The following RAD23B variants were observed in gnomAD, a reference collection of about 807,000 sequenced individuals.
RAD23B encodes the protein lysine-specific demethylase RAD23B.
Under a neutral mutation model 49.1 loss-of-function variants are expected in RAD23B, and 5 were observed. The ratio of observed to expected loss-of-function variants is 0.10; its 90% CI spans 0.05 to 0.21. RAD23B has a LOEUF of 0.21. Ranked by LOEUF, RAD23B falls within the 10% of genes least tolerant of loss-of-function variation. The pLI is 1.00. For missense variants in RAD23B, 356 were observed against 486.7 expected (o/e 0.73, Z 2.53); for synonymous variants, 184 against 165.4 (o/e 1.11, Z -0.86).
At chr9:107,304,331 G>A (rs1826716900) in intron 3 of RAD23B, among the ~76,000 whole-genome samples, 1 of 152,104 alleles carries the variant, frequency 6.6e-6, no homozygotes, top group African/African-American at 2.4e-5. Context: ...TATCTAGATT[G>A]GTTATTATAA....
intron 4 of RAD23B, among the ~76,000 whole-genome samples, chr9:107,308,265 C>G (rs866719797): frequency 6.7e-6 from 1 of 149,642 alleles, no homozygotes; most frequent in South Asian, 2.1e-4. Context: ...GCCACCCAGG[C>G]AGGAGTGCAG....
At chr9:107,287,703 G>A (rs2133061598) in intron 1 of RAD23B, among the ~76,000 whole-genome samples, 1 of 152,014 alleles carries the variant, frequency 6.6e-6, no homozygotes, top group South Asian at 2.1e-4. Flanking sequence ...GCATGGTGGT[G>A]CATGCCTGTA....
chr9:107,317,485 C>G (rs1195405837), intron 5 of RAD23B, among the ~76,000 whole-genome samples: 2 of 151,898 alleles, frequency 1.3e-5, no homozygotes, highest in Admixed American at 6.6e-5. Context: ...GACACATGTT[C>G]AATAGCTATG....
Position 107,330,169 on chromosome 9 carries a change from G to A in RAD23B, c.*513G>A, listed in dbSNP as rs1377757461. 6.6e-6 allele frequency: 1 copy of A among 152,554 alleles called. No individual in the cohort carries two copies. Among genetic ancestry groups the A allele is most frequent in the Admixed American group, 6.5e-5 (1 of 15,270 alleles). 9.5% of individuals were successfully genotyped at this position (152,554 alleles called of 1,614,324 possible). On this transcript the variant is annotated 3_prime_UTR_variant, in exon 10 of 10. Coordinates refer to ENST00000358015, the MANE Select transcript of RAD23B (RefSeq NM_002874.5). This position sits in a 1 kb window ranked among gnomAD's most constrained non-coding sequence, Gnocchi z 4.4. ...TTAATTGTTGCTGCTTCAAAAATAA[G>A]TATAAAATTAATATGTAAGGAAGCC...
intron 5 of RAD23B, among the ~76,000 whole-genome samples, chr9:107,314,511 A>G (rs912301272): frequency 6.6e-6 from 1 of 152,188 alleles, no homozygotes; most frequent in Non-Finnish European, 1.5e-5. Flanking sequence ...TGTAAAAAAG[A>G]CATGGTTTTA....
At chr9:107,299,958 A>G (rs1011282585) in intron 1 of RAD23B, among the ~76,000 whole-genome samples, 183 bp from the exon 2 acceptor site, 3 of 152,200 alleles carry the variant, frequency 2.0e-5, no homozygotes, top group East Asian at 1.9e-4. Flanking sequence ...TATGGCTATC[A>G]TAACTAGTAA....
chr9:107,323,118 G>T (rs908594492), intron 7 of RAD23B, among the ~76,000 whole-genome samples: 1 of 152,082 alleles, frequency 6.6e-6, no homozygotes, highest in African/African-American at 2.4e-5. Flanking sequence ...CTGTATGTAC[G>T]ATTTTTGGTT....
intron 2 of RAD23B, 128 bp from the exon 3 acceptor site, chr9:107,301,907 G>A (rs1474754365): frequency 3.1e-6 from 4 of 1,296,974 alleles, no homozygotes; most frequent in African/African-American, 1.5e-5. Context: ...TTAACTGATA[G>A]AATTTATGTT....
At chr9:107,310,361 T>G (rs1029333114) in intron 4 of RAD23B, among the ~76,000 whole-genome samples, 5 of 152,148 alleles carry the variant, frequency 3.3e-5, no homozygotes, top group African/African-American at 1.2e-4. Flanking sequence ...CAGGAAAGAT[T>G]GATGAATTTG....
Position 107,306,624 on chromosome 9 carries a change from T to C in RAD23B, c.474T>C (p.Ala158=). The change falls in exon 4 of 10, where the codon GCT becomes GCC. Residue 158 remains alanine (A), a synonymous_variant. Transcript: ENST00000358015. ...PAEKPAETPV[A]TSPTATDSTS... ...AAAAGCCAGCAGAGACACCAGTGGC[T>C]ACTAGCCCAACAGCAACTGACAGGT... 1 of 1,614,056 alleles carries C rather than the reference T, an allele frequency of 6.2e-7. No individual in the cohort carries two copies. The highest frequency in any genetic ancestry group is 8.5e-7 in the Non-Finnish European group (1 of 1,179,942).
At chr9:107,291,446 C>G (rs775861650) in intron 1 of RAD23B, among the ~76,000 whole-genome samples, 3 of 152,144 alleles carry the variant, frequency 2.0e-5, no homozygotes, top group Admixed American at 1.3e-4. Context: ...CCTTTTGGAT[C>G]ATAACCCCAG....
intron 1 of RAD23B, 129 bp downstream of exon 1, chr9:107,283,824 G>A: frequency 1.0e-6 from 1 of 967,710 alleles, no homozygotes; most frequent in Non-Finnish European, 1.4e-6. Context: ...CTGGGTCCTG[G>A]TGCCGGCCCT....
At chr9:107,284,991 AC>A (rs1833246984) in intron 1 of RAD23B, 2 of 1,277,148 alleles carry the variant, frequency 1.6e-6, no homozygotes, top group South Asian at 2.5e-5. Context: ...ATACAGTGTT[AC>A]GTTTTACTTA....
chr9:107,283,817 G>A, intron 1 of RAD23B, 122 bp downstream of exon 1: 1 of 991,244 alleles, frequency 1.0e-6, no homozygotes. Context: ...GAGGGCCCTG[G>A]GTCCTGGTGC....
intron 9 of RAD23B, among the ~76,000 whole-genome samples, chr9:107,326,037 T>C (rs1057343933): frequency 6.6e-6 from 1 of 152,250 alleles, no homozygotes; most frequent in Non-Finnish European, 1.5e-5. Context: ...TGATTTTGTA[T>C]GTTGAACCAA....
At chr9:107,326,868 T>C (rs1371051164) in intron 9 of RAD23B, among the ~76,000 whole-genome samples, 1 of 151,884 alleles carries the variant, frequency 6.6e-6, no homozygotes, top group African/African-American at 2.4e-5. Context: ...CTCGATCTCA[T>C]GACTTCGTGA....
chr9:107,320,297 A>G (rs1827081451), intron 6 of RAD23B, among the ~76,000 whole-genome samples: 2 of 152,208 alleles, frequency 1.3e-5, no homozygotes, highest in South Asian at 2.1e-4. Context: ...TTTGGTGAGG[A>G]GTGTGTACCC....
chr9:107,302,308 C>G (rs1015016521), intron 3 of RAD23B, among the ~76,000 whole-genome samples, 194 bp downstream of exon 3: 16 of 152,028 alleles, frequency 1.1e-4, no homozygotes, highest in African/African-American at 3.9e-4. Context: ...ACACATTAAA[C>G]TATAATATAG....
intron 4 of RAD23B, among the ~76,000 whole-genome samples, chr9:107,310,446 G>C (rs1401664300): frequency 6.6e-6 from 1 of 152,108 alleles, no homozygotes; most frequent in Non-Finnish European, 1.5e-5. Context: ...TCTTTTAAAT[G>C]GAATACTGTG....
Sources: gnomAD v4.1 joint callset for allele counts (sites outside exome capture counted in the v4.1 genomes callset) on GRCh38, gnomAD v4.1.1 for gene constraint, Gnocchi (gnomAD v3.1) non-coding constraint, MANE v1.5 for transcripts, NCBI Gene and HGNC (gene_info 2026-07-23, HGNC 2026-07-21) for gene names.